The following MYRIP variants were observed in gnomAD, a reference collection of about 807,000 sequenced individuals.
The protein encoded by MYRIP is rab effector MyRIP.
MYRIP carries 49 observed loss-of-function variants against 98.0 expected under a neutral mutation model. The ratio of observed to expected loss-of-function variants is 0.50; its 90% CI spans 0.40 to 0.63. The LOEUF (loss-of-function observed/expected upper bound fraction) is 0.63. Ranked by LOEUF, MYRIP falls within the 30% of genes least tolerant of loss-of-function variation. The pLI is 0.00. For synonymous variants in MYRIP, 404 were observed against 409.5 expected, an observed-to-expected ratio of 0.99 and a Z score of 0.16; for missense variants, 1,004 against 1,058.2, an observed-to-expected ratio of 0.95 and a Z score of 0.71.
intron 3 of MYRIP, among the ~76,000 whole-genome samples, chr3:40,145,972 C>T (rs536582505): frequency 4.6e-5 from 7 of 152,266 alleles, no homozygotes; most frequent in Admixed American, 2.6e-4. Flanking sequence ...ACTAGGTGCA[C>T]TTTAGTGGTC....
intron 3 of MYRIP, among the ~76,000 whole-genome samples, chr3:40,128,468 TC>T (rs2125916304): frequency 6.6e-6 from 1 of 152,288 alleles, no homozygotes; most frequent in East Asian, 1.9e-4. Context: ...ACAACACCCT[TC>T]CCTTAATGAC....
chr3:40,099,996 T>C, intron 3 of MYRIP: 1 of 985,260 alleles, frequency 1.0e-6, no homozygotes, highest in Non-Finnish European at 1.2e-6. Flanking sequence ...TCACCTCCCT[T>C]CTGAAACTGG....
intron 2 of MYRIP, among the ~76,000 whole-genome samples, chr3:39,998,629 A>G (rs914525566): frequency 2.0e-5 from 3 of 152,160 alleles, no homozygotes; most frequent in African/African-American, 4.8e-5. Flanking sequence ...ATTCAATGCC[A>G]TCCCCATCAA....
At chr3:40,234,976 G>C (rs1180090181) in intron 12 of MYRIP, among the ~76,000 whole-genome samples, 1 of 137,758 alleles carries the variant, frequency 7.3e-6, no homozygotes, top group African/African-American at 2.7e-5. Flanking sequence ...CTGGGCAACA[G>C]AGCAAGACCC....
At chr3:40,148,540 T>C (rs1950055248) in intron 3 of MYRIP, among the ~76,000 whole-genome samples, 1 of 152,198 alleles carries the variant, frequency 6.6e-6, no homozygotes, top group Non-Finnish European at 1.5e-5. Context: ...AGGTCTTCTA[T>C]TAAATTTTTT....
Position 40,239,716 on chromosome 3 carries a change from T to G in MYRIP, c.2101-4730T>G, listed in dbSNP as rs1414316832. On this transcript the variant is annotated intron_variant, in intron 12 of 16. Transcript: ENST00000302541. ...TGCATAAATGTCTTCTTTTGAGAAGTGTCTGTTCATGTCCTTTGCCCACTT... is the reference window on the plus strand; with the variant it reads ...TGCATAAATGTCTTCTTTTGAGAAGGGTCTGTTCATGTCCTTTGCCCACTT... Among the ~76,000 whole-genome samples the G allele has an allele frequency of 1.7e-4, 25 of 149,356 alleles. 1 individual carries two copies. Among genetic ancestry groups the G allele is most frequent in the Non-Finnish European group, 1.9e-4 (13 of 67,256 alleles).
At chr3:40,014,394 T>C (rs1365596358) in intron 2 of MYRIP, among the ~76,000 whole-genome samples, 2 of 152,232 alleles carry the variant, frequency 1.3e-5, no homozygotes, top group Non-Finnish European at 2.9e-5. Context: ...CCATCTTTCA[T>C]ATTATTTTCC....
intron 2 of MYRIP, among the ~76,000 whole-genome samples, chr3:39,950,766 G>C (rs1225643868): frequency 1.3e-5 from 2 of 152,118 alleles, no homozygotes; most frequent in African/African-American, 4.8e-5. Context: ...CAAAGAGCTG[G>C]TGGCCACATT....
chr3:39,941,066 TG>T (rs1944772459), intron 2 of MYRIP, among the ~76,000 whole-genome samples: 1 of 152,088 alleles, frequency 6.6e-6, no homozygotes, highest in African/African-American at 2.4e-5. Flanking sequence ...ACTGTCTGGC[TG>T]GGGTCACTAT....
intron 1 of MYRIP, among the ~76,000 whole-genome samples, chr3:39,846,447 C>T (rs1559494813): frequency 6.6e-6 from 1 of 152,152 alleles, no homozygotes. Flanking sequence ...GCAGTATCCC[C>T]TGGATCATCT....
chr3:40,020,447 C>T (rs1269613865), intron 2 of MYRIP, among the ~76,000 whole-genome samples: 4 of 152,150 alleles, frequency 2.6e-5, no homozygotes, highest in East Asian at 1.9e-4. Context: ...TTTGGTCCAA[C>T]GCCCTGGCTG....
chr3:39,963,160 G>A (rs139614000), intron 2 of MYRIP, among the ~76,000 whole-genome samples: 37 of 152,170 alleles, frequency 2.4e-4, no homozygotes, highest in African/African-American at 8.2e-4. Flanking sequence ...CCAGTACCAG[G>A]GTATATGGTC....
intron 2 of MYRIP, among the ~76,000 whole-genome samples, chr3:39,995,408 G>A (rs935126708): frequency 1.3e-5 from 2 of 152,166 alleles, no homozygotes; most frequent in Non-Finnish European, 2.9e-5. Context: ...CTCAGTAGCC[G>A]ATTCGATCAA....
At chr3:40,047,497 G>C (rs1440870585) in intron 3 of MYRIP, among the ~76,000 whole-genome samples, 2 of 152,200 alleles carry the variant, frequency 1.3e-5, no homozygotes, top group African/African-American at 4.8e-5. Flanking sequence ...AGCTCAAACA[G>C]AACACACCCA....
intron 1 of MYRIP, among the ~76,000 whole-genome samples, chr3:39,820,561 A>G (rs9867310): frequency 0.21 from 32,217 of 152,110 alleles, 3,501 homozygotes; most frequent in South Asian, 0.29. Context: ...ACATGAATAC[A>G]GTTTTGTTGC....
At chr3:40,159,232 T>G (rs927217439) in intron 4 of MYRIP, among the ~76,000 whole-genome samples, 1 of 151,486 alleles carries the variant, frequency 6.6e-6, no homozygotes, top group African/African-American at 2.4e-5. Flanking sequence ...TGTAAAGTAT[T>G]TTATTTCTCC....
rs1039043766 is a variant in MYRIP at position 40,008,684 on chromosome 3, A to G, written c.111-35366A>G. On this transcript the variant is annotated intron_variant, in intron 2 of 16. Transcript: ENST00000302541. ...ATAGCAAGACCCTGCAGGACTCCTT[A>G]CATCACAGTCTCCACATGGCCACTC... Among the ~76,000 whole-genome samples, 21 of 152,356 alleles carry G rather than the reference A, an allele frequency of 1.4e-4. 1 individual carries two copies. The highest frequency in any genetic ancestry group is 1.2e-3 in the Admixed American group (18 of 15,308).
At chr3:40,149,006 A>G (rs1336027478) in intron 3 of MYRIP, among the ~76,000 whole-genome samples, 1 of 152,210 alleles carries the variant, frequency 6.6e-6, no homozygotes, top group African/African-American at 2.4e-5. Context: ...CGTGTATGAT[A>G]TCTGATGGGC....
intron 2 of MYRIP, among the ~76,000 whole-genome samples, chr3:40,002,892 TTAGA>T (rs1308043290): frequency 2.6e-5 from 4 of 152,026 alleles, no homozygotes; most frequent in Non-Finnish European, 5.9e-5. Flanking sequence ...CTCTAAAGCT[TTAGA>T]TAGACACATA....
Sources: allele counts gnomAD v4.1 joint callset (sites outside exome capture counted in the v4.1 genomes callset), GRCh38; gene constraint gnomAD v4.1.1; transcripts MANE v1.5; gene names NCBI Gene and HGNC (gene_info 2026-07-23, HGNC 2026-07-21).